Variants in FMNL2 observed in about 807,000 individuals in gnomAD.
The protein encoded by FMNL2 is formin like 2, also known as formin-like protein 2.
In FMNL2, 51 loss-of-function variants were observed where a neutral mutation model predicts 130.2. The ratio of observed to expected loss-of-function variants is 0.39; its 90% CI spans 0.31 to 0.49. FMNL2 has a LOEUF of 0.49. Ranked by LOEUF, FMNL2 falls within the 20% of genes least tolerant of loss-of-function variation. The pLI is 0.85. For missense variants in FMNL2, 977 were observed against 1,316.2 expected (o/e 0.74, Z 3.99); for synonymous variants, 465 against 467.1 (o/e 1.00, Z 0.06).
chr2:152,363,154 A>G (rs1683276165), intron 1 of FMNL2, among the ~76,000 whole-genome samples: 1 of 152,194 alleles, frequency 6.6e-6, no homozygotes, highest in African/African-American at 2.4e-5. Context: ...AAACTGTCGA[A>G]TTGTGTGCAT....
chr2:152,501,617 T>A (rs1403097433), intron 1 of FMNL2, among the ~76,000 whole-genome samples: 1 of 152,276 alleles, frequency 6.6e-6, no homozygotes, highest in East Asian at 1.9e-4. Flanking sequence ...CTCAGGAATA[T>A]TTACACAGAA....
intron 1 of FMNL2, among the ~76,000 whole-genome samples, chr2:152,455,291 G>T (rs1010086857): frequency 5.3e-5 from 8 of 152,184 alleles, no homozygotes; most frequent in African/African-American, 1.9e-4. Flanking sequence ...GAGGATCAAG[G>T]CCTCGAGGAG....
Position 152,393,243 on chromosome 2 carries a change from T to A in FMNL2, c.117+57523T>A, listed in dbSNP as rs145095666. On this transcript the variant is annotated intron_variant, in intron 1 of 25. Coordinates refer to ENST00000288670, the MANE Select transcript of FMNL2 (RefSeq NM_052905.4). ...ATGAGGAAACACATAGCACATTAAA[T>A]GTACATGATTATAAGATATGTCTTA... Among the ~76,000 whole-genome samples, 116 of 152,328 alleles carry A rather than the reference T, an allele frequency of 7.6e-4. 1 individual carries two copies. The highest frequency in any genetic ancestry group is 2.7e-3 in the African/African-American group (113 of 41,568).
intron 1 of FMNL2, among the ~76,000 whole-genome samples, chr2:152,400,666 T>G (rs1175166189): frequency 1.3e-5 from 2 of 152,188 alleles, no homozygotes; most frequent in African/African-American, 4.8e-5. Flanking sequence ...ACCTTAACAC[T>G]ATTTATGCAT....
chr2:152,355,569 C>T (rs1170919907), intron 1 of FMNL2, among the ~76,000 whole-genome samples: 1 of 152,186 alleles, frequency 6.6e-6, no homozygotes, highest in Non-Finnish European at 1.5e-5. Flanking sequence ...AAGAAACTCC[C>T]ATGAAGTTCA....
intron 20 of FMNL2, among the ~76,000 whole-genome samples, chr2:152,631,797 G>A (rs757179886): frequency 1.3e-5 from 2 of 152,150 alleles, no homozygotes; most frequent in Admixed American, 6.5e-5. Flanking sequence ...TTAAGCATGT[G>A]CCCTGGTTGG....
Position 152,344,997 on chromosome 2 carries a change from T to C in FMNL2, c.117+9277T>C, listed in dbSNP as rs149603028. Among the ~76,000 whole-genome samples, 34 of 152,390 alleles carry C rather than the reference T, an allele frequency of 2.2e-4. No individual in the cohort carries two copies. In the East Asian group the frequency reaches 6.5e-3, roughly 29 times the overall value. On this transcript the variant is annotated intron_variant, in intron 1 of 25. Coordinates refer to ENST00000288670, the MANE Select transcript of FMNL2 (RefSeq NM_052905.4). The stretch of plus-strand genomic sequence containing the variant: ...ACTCTAGTTATTTCTTTATTCATTA[T>C]AATGTAAGCAAATAGACATTCCTCT...
chr2:152,605,384 T>C (rs1698311857), intron 9 of FMNL2, among the ~76,000 whole-genome samples: 1 of 152,054 alleles, frequency 6.6e-6, no homozygotes, highest in Admixed American at 6.6e-5. Flanking sequence ...TATGGCATGA[T>C]CATGGCTCAC....
At chr2:152,360,290 T>C (rs879929132) in intron 1 of FMNL2, among the ~76,000 whole-genome samples, 9 of 152,170 alleles carry the variant, frequency 5.9e-5, no homozygotes, top group Non-Finnish European at 1.2e-4. Flanking sequence ...GTTGCTTCTT[T>C]TTCTTTTTTC....
At chr2:152,451,962 A>G (rs958546982) in intron 1 of FMNL2, among the ~76,000 whole-genome samples, 4 of 152,150 alleles carry the variant, frequency 2.6e-5, no homozygotes, top group Admixed American at 1.3e-4. Context: ...AACCCGAAAG[A>G]ACCCAGGCCC....
chr2:152,457,656 G>C (rs1329289869), intron 1 of FMNL2, among the ~76,000 whole-genome samples: 1 of 152,142 alleles, frequency 6.6e-6, no homozygotes, highest in Non-Finnish European at 1.5e-5. Context: ...GTTTTCTATT[G>C]CTACTGGAAC....
At chr2:152,461,142 C>A (rs1278070698) in intron 1 of FMNL2, among the ~76,000 whole-genome samples, 1 of 152,060 alleles carries the variant, frequency 6.6e-6, no homozygotes, top group Non-Finnish European at 1.5e-5. Flanking sequence ...CAGAGCTGAA[C>A]AATAGAAATA....
chr2:152,338,416 A>G (rs1387015609), intron 1 of FMNL2, among the ~76,000 whole-genome samples: 2 of 152,236 alleles, frequency 1.3e-5, no homozygotes, highest in Non-Finnish European at 2.9e-5. Context: ...AAAAATTAAA[A>G]TGACAAAAGT....
chr2:152,622,723 A>G (rs1681435628), intron 15 of FMNL2, among the ~76,000 whole-genome samples: 1 of 151,350 alleles, frequency 6.6e-6, no homozygotes, highest in Admixed American at 6.6e-5. Context: ...GTTTGCCCAC[A>G]CATTCTAGTT....
At chr2:152,492,640 G>C (rs1411521255) in intron 1 of FMNL2, among the ~76,000 whole-genome samples, 1 of 152,008 alleles carries the variant, frequency 6.6e-6, no homozygotes, top group African/African-American at 2.4e-5. Context: ...TGTTTGTTTT[G>C]AATTAATTAG....
At chr2:152,609,756 T>TA (rs1368975488) in intron 10 of FMNL2, among the ~76,000 whole-genome samples, 2 of 152,116 alleles carry the variant, frequency 1.3e-5, no homozygotes, top group South Asian at 4.1e-4. Context: ...TCTAACTTGA[T>TA]AAAAAAATTT....
chr2:152,568,564 C>T (rs929210550), intron 6 of FMNL2, among the ~76,000 whole-genome samples: 1 of 152,088 alleles, frequency 6.6e-6, no homozygotes, highest in Non-Finnish European at 1.5e-5. Context: ...AGGACATACC[C>T]GAGACTGAGT....
intron 23 of FMNL2, among the ~76,000 whole-genome samples, chr2:152,639,378 G>C (rs562142297): frequency 6.6e-6 from 1 of 152,246 alleles, no homozygotes; most frequent in South Asian, 2.1e-4. Context: ...AGGTCTCTTC[G>C]GGGAGGCCGG....
intron 25 of FMNL2, among the ~76,000 whole-genome samples, chr2:152,641,375 A>G (rs575947961): frequency 6.6e-6 from 1 of 152,328 alleles, no homozygotes. Context: ...AGGGTTGGGA[A>G]CTGGTTTTAT....
Sources: allele counts gnomAD v4.1 joint callset (sites outside exome capture counted in the v4.1 genomes callset), GRCh38; gene constraint gnomAD v4.1.1; transcripts MANE v1.5; gene names NCBI Gene and HGNC (gene_info 2026-07-23, HGNC 2026-07-21).